CEP164: variants seen among roughly 807,000 people sequenced by gnomAD.
The protein encoded by CEP164 is centrosomal protein 164, also known as centrosomal protein of 164 kDa.
Under a neutral mutation model 182.7 loss-of-function variants are expected in CEP164, and 162 were observed. The ratio of observed to expected loss-of-function variants is 0.89; its 90% CI spans 0.78 to 1.01. The LOEUF (loss-of-function observed/expected upper bound fraction) is 1.01. CEP164 is among the 50% of genes least tolerant of loss of function. The pLI is 0.00. For missense variants in CEP164, 1,735 were observed against 1,790.4 expected, an observed-to-expected ratio of 0.97 and a Z score of 0.56; for synonymous variants, 661 against 690.0, an observed-to-expected ratio of 0.96 and a Z score of 0.66.
chr11:117,396,621 C>T lies in CEP164; in HGVS notation c.3278+10C>T, dbSNP rs1172982567. 1 of 1,604,964 alleles carries T rather than the reference C, an allele frequency of 6.2e-7. No individual in the cohort carries two copies. The highest frequency in any genetic ancestry group is 8.5e-7 in the Non-Finnish European group (1 of 1,171,664). On this transcript the variant is annotated intron_variant, in intron 26 of 32. Coordinates refer to ENST00000278935, the MANE Select transcript of CEP164 (RefSeq NM_014956.5). ...ACTTATACTTGGACAGGTGAGTTCC[C>T]ATAGCCTGTCTTATTTGAGGTTAGG...
upstream of CEP164, among the ~76,000 whole-genome samples, chr11:117,326,753 A>G (rs760333309): frequency 1.2e-4 from 19 of 152,226 alleles, no homozygotes; most frequent in Non-Finnish European, 2.8e-4. Context: ...TCTGAGTGGC[A>G]CTGGGACTAT....
intron 11 of CEP164, among the ~76,000 whole-genome samples, chr11:117,378,312 C>T (rs1266333737): frequency 6.6e-6 from 1 of 152,184 alleles, no homozygotes; most frequent in East Asian, 1.9e-4. Flanking sequence ...ATGTACCTTT[C>T]CAGAAAATTT....
rs1486761228 is a variant in CEP164, at chr11:117,338,590, G to C, written c.4G>C (p.Ala2Pro). 1.2e-6 allele frequency: 2 copies of C among 1,614,004 alleles called. No individual in the cohort carries two copies. The highest frequency in any genetic ancestry group is 1.1e-5 in the South Asian group (1 of 91,078). The change falls in exon 3 of 33, where the codon GCT becomes CCT. Residue 2 changes from alanine (A) to proline (P), a missense_variant. Physicochemically the swap from Ala to Pro is conservative, Grantham distance 27. Coordinates refer to ENST00000278935, the MANE Select transcript of CEP164 (RefSeq NM_014956.5). M[A>P]GRPLRIGDQL... Reference sequence around the variant, plus strand: ...GGTGTTTGAGCCCAGATGAGTCATGGCTGGACGACCCCTCCGCATAGGAGA... The same window carrying C: ...GGTGTTTGAGCCCAGATGAGTCATGCCTGGACGACCCCTCCGCATAGGAGA...
At chr11:117,347,885 T>C (rs1408276560) in intron 4 of CEP164, among the ~76,000 whole-genome samples, 1 of 152,192 alleles carries the variant, frequency 6.6e-6, no homozygotes. Flanking sequence ...CTAGGACATA[T>C]TTACCCTGTA....
rs147463962 is a variant in CEP164 at position 117,354,766 on chromosome 11, TTTTATTTA to T, written c.393+2801_393+2808del. 3.8e-3 allele frequency among the ~76,000 whole-genome samples: 567 copies of T among 149,244 alleles called. 3 individuals carry two copies. The highest frequency in any genetic ancestry group is 0.013 in the African/African-American group (516 of 40,686). ...AATTATTATTTTTTTTTGCTATTGATTTTATTTATTTATTTATTTATTTATTTATTATT... is the reference window on the plus strand; with the variant it reads ...AATTATTATTTTTTTTTGCTATTGATTTTATTTATTTATTTATTTATTATT... On this transcript the variant is annotated intron_variant, in intron 5 of 32. Transcript: ENST00000278935.
chr11:117,359,319 G>A (rs1418141475), intron 5 of CEP164: 1 of 705,096 alleles, frequency 1.4e-6, no homozygotes, highest in Non-Finnish European at 1.7e-6. Context: ...CCAGTCTCAG[G>A]TGGTTGTGAG....
Position 117,409,963 on chromosome 11 carries a change from C to T in CEP164, c.4094C>T (p.Pro1365Leu). ...TTGGAGAAGTGGCGCAAGTATTTTC[C>T]ATGTAAGCCCCACTCTGGGCGGAGC... Reference protein sequence around the residue: ...FLLEKWRKYFPSGIPLLSNSP... With the variant: ...FLLEKWRKYFLSGIPLLSNSP... The change falls in exon 30 of 33, where the codon CCA (proline) becomes CTA (leucine). Residue 1365 changes from proline (P) to leucine (L), a missense_variant and splice_region_variant. Pro to Leu is a moderately conservative substitution (Grantham distance 98, BLOSUM62 -3). Transcript: ENST00000278935. This position sits in a 1 kb window ranked among gnomAD's most constrained non-coding sequence, Gnocchi z 4.4. The T allele has an allele frequency of 6.2e-7, 1 of 1,614,052 alleles. No individual in the cohort carries two copies. Among genetic ancestry groups the T allele is most frequent in the Non-Finnish European group, 8.5e-7 (1 of 1,179,966 alleles).
chr11:117,376,607 C>G lies in CEP164; in HGVS notation c.1317+816C>G, dbSNP rs546871392. On this transcript the variant is annotated intron_variant, in intron 11 of 32. Transcript: ENST00000278935. Reference sequence around the variant, plus strand: ...GTTTAATACGAACCCAGCCTTGGAGCCTTTAGTGAAATGTGTGCTAGAGGC... The same window carrying G: ...GTTTAATACGAACCCAGCCTTGGAGGCTTTAGTGAAATGTGTGCTAGAGGC... Among the ~76,000 whole-genome samples the G allele has an allele frequency of 1.5e-4, 22 of 148,074 alleles. 1 individual carries two copies. Among genetic ancestry groups the G allele is most frequent in the African/African-American group, 5.6e-4 (21 of 37,606 alleles).
upstream of CEP164, among the ~76,000 whole-genome samples, chr11:117,326,135 T>C (rs2035429539): frequency 6.6e-6 from 1 of 152,130 alleles, no homozygotes; most frequent in African/African-American, 2.4e-5. Context: ...GGTCTTTAAC[T>C]CCTGACCTCA....
At position 117,392,656 on chromosome 11, in the gene CEP164, T is replaced by C. The variant is rs2044816781; in HGVS notation, c.2493+29T>C. ...AGTGCTGCTCTGTCTTCCACAGTCG[T>C]GTGCGCCTGTTGTGGACTCTCTTAC... On this transcript the variant is annotated intron_variant, in intron 19 of 32. Transcript: ENST00000278935. 5.0e-6 allele frequency: 8 copies of C among 1,608,098 alleles called. No individual in the cohort carries two copies. The South Asian group carries it at 7.7e-5, about 16-fold the overall frequency.
intron 6 of CEP164, 101 bp downstream of exon 6, chr11:117,362,094 G>A (rs931735196): frequency 1.7e-6 from 2 of 1,164,688 alleles, no homozygotes; most frequent in African/African-American, 1.5e-5. Flanking sequence ...GACAGAATCG[G>A]TGGAGTCCTC....
Position 117,409,575 on chromosome 11 carries a change from C to T in CEP164, c.3749-43C>T. ...CTGTGTCTGGGAATGGTCCAGGGTC[C>T]TGAGCTTGAGTCCCTTCCCACCATC... On this transcript the variant is annotated intron_variant, in intron 29 of 32. Coordinates refer to ENST00000278935, the MANE Select transcript of CEP164 (RefSeq NM_014956.5). This position sits in a 1 kb window ranked among gnomAD's most constrained non-coding sequence, Gnocchi z 4.4. 1.9e-6 allele frequency: 3 copies of T among 1,549,996 alleles called. No homozygotes were observed. The highest frequency in any genetic ancestry group is 8.8e-7 in the Non-Finnish European group (1 of 1,139,246).
rs527669800 is a variant in CEP164, at chr11:117,378,021, C to T, written c.1317+2230C>T. 1.1e-4 allele frequency among the ~76,000 whole-genome samples: 16 copies of T among 151,892 alleles called. No individual in the cohort carries two copies. In the East Asian group the frequency reaches 2.1e-3, roughly 20 times the overall value. On this transcript the variant is annotated intron_variant, in intron 11 of 32. Coordinates refer to ENST00000278935, the MANE Select transcript of CEP164 (RefSeq NM_014956.5). ...GACTACAGGCATCCACCACCATGCC[C>T]GGCTAATTTTTTTTTTTTTGTATTT... is the stretch of plus-strand genomic sequence containing the variant.
chr11:117,330,522 G>A (rs762511848), intron 1 of CEP164, among the ~76,000 whole-genome samples: 1 of 152,130 alleles, frequency 6.6e-6, no homozygotes, highest in African/African-American at 2.4e-5. Context: ...GGTGGCAGGC[G>A]CCTGTAATCC....
chr11:117,344,755 C>T (rs761096753), intron 4 of CEP164, among the ~76,000 whole-genome samples: 9 of 152,044 alleles, frequency 5.9e-5, no homozygotes, highest in African/African-American at 1.4e-4. Flanking sequence ...GGTGAAACCG[C>T]GTCTCTACTA....
At chr11:117,369,192 G>C (rs2041954338) in intron 8 of CEP164, among the ~76,000 whole-genome samples, 1 of 152,230 alleles carries the variant, frequency 6.6e-6, no homozygotes, top group African/African-American at 2.4e-5. Flanking sequence ...CATAACGTAA[G>C]TTAACATTCG....
chr11:117,353,467 A>G (rs928141782), intron 5 of CEP164, among the ~76,000 whole-genome samples: 1 of 152,204 alleles, frequency 6.6e-6, no homozygotes, highest in African/African-American at 2.4e-5. Flanking sequence ...GTAGTCAGGC[A>G]TCTGGGCAGG....
chr11:117,361,302 G>A (rs1183460201), intron 5 of CEP164, among the ~76,000 whole-genome samples: 10 of 144,702 alleles, frequency 6.9e-5, no homozygotes, highest in South Asian at 2.3e-4. Flanking sequence ...GGGCGGTGGC[G>A]TGATCTCGGC....
At position 117,411,981 on chromosome 11, in the gene CEP164, G is replaced by C; in HGVS notation, c.4286+64G>C. The C allele has an allele frequency of 6.2e-7, 1 of 1,611,118 alleles. No homozygotes were observed. Among genetic ancestry groups the C allele is most frequent in the East Asian group, 2.2e-5 (1 of 44,864 alleles). On this transcript the variant is annotated intron_variant, in intron 32 of 32. Transcript: ENST00000278935. The surrounding 1 kb of genome is among the most constrained non-coding windows in gnomAD (Gnocchi z 4.4). ...GGGGACTGTGCTTGTGCCCTGAGGGGCTGAGGAGGATCCTGTTCAGCCTTT... is the reference window on the plus strand; with the variant it reads ...GGGGACTGTGCTTGTGCCCTGAGGGCCTGAGGAGGATCCTGTTCAGCCTTT...
Sources: gnomAD v4.1 joint callset for allele counts (sites outside exome capture counted in the v4.1 genomes callset) on GRCh38, gnomAD v4.1.1 for gene constraint, Gnocchi (gnomAD v3.1) non-coding constraint, MANE v1.5 for transcripts, NCBI Gene and HGNC (gene_info 2026-07-23, HGNC 2026-07-21) for gene names.